NRAP: variants seen among roughly 807,000 people sequenced by gnomAD.
NRAP encodes nebulin related anchoring protein.
Under a neutral mutation model 225.9 loss-of-function variants are expected in NRAP, and 189 were observed. That is an observed-to-expected ratio of 0.84 (90% CI 0.74 to 0.94). NRAP has a LOEUF of 0.94. Among genes scored for constraint, NRAP ranks in the 40% least tolerant of loss-of-function variants. NRAP has a pLI of 0.00. For synonymous variants in NRAP, 769 were observed against 790.7 expected, an observed-to-expected ratio of 0.97 and a Z score of 0.46; for missense variants, 2,176 against 2,168.7, an observed-to-expected ratio of 1.00 and a Z score of -0.07.
chr10:113,615,179 G>C (rs1847579068), intron 27 of NRAP, among the ~76,000 whole-genome samples: 1 of 152,126 alleles, frequency 6.6e-6, no homozygotes, highest in South Asian at 2.1e-4. Flanking sequence ...GAGGCATAGA[G>C]GGGAGAGGAA....
In NRAP at chr10:113,623,525, T is replaced by C. The variant is rs1348318405; in HGVS notation, c.2457+4A>G. On this transcript the variant is annotated splice_donor_region_variant and intron_variant, in intron 23 of 41. Transcript: ENST00000359988. ...TCTCTTGTACAAGGTGGGGACAGAC[T>C]CACCTCGCTAGCCAGGTCCCTCTTG... is the stretch of plus-strand genomic sequence containing the variant. 5 of 1,598,748 alleles carry C rather than the reference T, an allele frequency of 3.1e-6. No individual in the cohort carries two copies. The highest frequency in any genetic ancestry group is 4.3e-6 in the Non-Finnish European group (5 of 1,166,532).
Position 113,623,642 on chromosome 10 carries a change from G to A in NRAP, c.2350-6C>T. 1 of 1,602,906 alleles carries A rather than the reference G, an allele frequency of 6.2e-7. No homozygotes were observed. Among genetic ancestry groups the A allele is most frequent in the East Asian group, 2.2e-5 (1 of 44,798 alleles). ...CAGCTGCTCTTATACAGTTTCTAAG[G>A]GGATTTAGGAGAGAAGGTGAGTGGG... On this transcript the variant is annotated splice_polypyrimidine_tract_variant and splice_region_variant and intron_variant, in intron 22 of 41. Transcript: ENST00000359988.
chr10:113,641,448 TC>T lies in NRAP; in HGVS notation c.1239del (p.Asn414ThrfsTer3). Reference sequence around the variant, plus strand: ...CCTTCATAGCGGCCTCTCATGTGGTTCTGGTAGTTTTCTTTATATTTATTCT... The same window carrying T: ...CCTTCATAGCGGCCTCTCATGTGGTTTGGTAGTTTTCTTTATATTTATTCT... ...TSDNKYKENY[Q>X]NHMRGRYEGV... On this transcript the variant is annotated frameshift_variant, in exon 13 of 42. Transcript: ENST00000359988. LOFTEE classifies it high-confidence loss of function. 1 of 1,613,196 alleles carries T rather than the reference TC, an allele frequency of 6.2e-7. No homozygotes were observed. Among genetic ancestry groups the T allele is most frequent in the Non-Finnish European group, 8.5e-7 (1 of 1,179,152 alleles).
intron 31 of NRAP, among the ~76,000 whole-genome samples, 190 bp from the exon 32 acceptor site, chr10:113,608,702 A>G (rs1263517517): frequency 6.6e-6 from 1 of 152,234 alleles, no homozygotes; most frequent in Non-Finnish European, 1.5e-5. Context: ...AGAGAGGAGG[A>G]TAGGATGGAC....
chr10:113,648,249 C>T (rs10885484), intron 9 of NRAP, among the ~76,000 whole-genome samples: 16,749 of 152,122 alleles, frequency 0.11, 1,057 homozygotes, highest in Non-Finnish European at 0.15. Context: ...CCAGGCTCCC[C>T]GTTATCCAAC....
At chr10:113,661,801 C>G (rs1303820403) in intron 3 of NRAP, among the ~76,000 whole-genome samples, 2 of 152,152 alleles carry the variant, frequency 1.3e-5, no homozygotes, top group Non-Finnish European at 2.9e-5. Context: ...CTTATCCCCA[C>G]CCCAAGGGGA....
chr10:113,656,939 T>C lies in NRAP; in HGVS notation c.360+531A>G, dbSNP rs77755267. On this transcript the variant is annotated intron_variant, in intron 4 of 41. Coordinates refer to ENST00000359988, the MANE Select transcript of NRAP (RefSeq NM_198060.4). Reference sequence around the variant, plus strand: ...AGAATAATGCAAATTCTTATGTGTATATTATGTGTGTAAATAAAATAAATG... The same window carrying C: ...AGAATAATGCAAATTCTTATGTGTACATTATGTGTGTAAATAAAATAAATG... 8.7e-3 allele frequency among the ~76,000 whole-genome samples: 1,318 copies of C among 152,270 alleles called. 26 individuals carry two copies. The highest frequency in any genetic ancestry group is 0.03 in the African/African-American group (1,256 of 41,562).
rs74945014 is a variant in NRAP at position 113,591,667 on chromosome 10, C to T, written c.4644+527G>A. Among the ~76,000 whole-genome samples, 188 of 152,340 alleles carry T rather than the reference C, an allele frequency of 1.2e-3. No individual in the cohort carries two copies. The East Asian group carries it at 0.016, about 13-fold the overall frequency. On this transcript the variant is annotated intron_variant, in intron 39 of 41. Coordinates refer to ENST00000359988, the MANE Select transcript of NRAP (RefSeq NM_198060.4). ...TCTCTTGCAGAATACCTGCTATGTT[C>T]CTGACACCATATACGATTTTGTTTT...
rs561707197 is a variant in NRAP at position 113,623,609 on chromosome 10, G to A, written c.2377C>T (p.Gln793Ter). 8 of 1,613,874 alleles carry A rather than the reference G, an allele frequency of 5.0e-6. No homozygotes were observed. The Admixed American group carries it at 1.2e-4, about 24-fold the overall frequency. Residue 793 changes from glutamine (Q) to a stop codon, truncating the protein, a stop_gained, in exon 23 of 42, where the codon CAG becomes TAG. Coordinates refer to ENST00000359988, the MANE Select transcript of NRAP (RefSeq NM_198060.4). LOFTEE classifies it high-confidence loss of function. ...EKLYKSSWEN[Q>*]KAKGFELRLD... is the part of the protein sequence containing the mutation. ...CGCAGCTCAAACCCTTTTGCTTTCT[G>A]GTTTTCCCAGCTGCTCTTATACAGT...
rs1848481474 is a variant in NRAP, at chr10:113,629,761, C to T, written c.1867G>A (p.Glu623Lys). The change falls in exon 19 of 42, where the codon GAG becomes AAG. Residue 623 changes from glutamate to lysine, a missense_variant. Around this residue, in one of 3 missense-constraint regions of NRAP, gnomAD observed 1,708 missense variants for 1,695.5 expected, o/e 1.01. Transcript: ENST00000359988. Reference sequence around the variant, plus strand: ...GGCAGGTGAAACCGGGTCTTACTCTCTTCAAAGCCTTTCTTATATTCAACC... The same window carrying T: ...GGCAGGTGAAACCGGGTCTTACTCTTTTCAAAGCCTTTCTTATATTCAACC... ...SEVEYKKGFE[E>K]SKTRFHLPMD... is the part of the protein sequence containing the mutation. 4 of 1,613,484 alleles carry T rather than the reference C, an allele frequency of 2.5e-6. No homozygotes were observed. The African/African-American group carries it at 4.0e-5, about 16-fold the overall frequency.
intron 29 of NRAP, 75 bp downstream of exon 29, chr10:113,614,108 T>C: frequency 1.1e-6 from 1 of 918,256 alleles, no homozygotes; most frequent in Non-Finnish European, 1.8e-6. Context: ...GAAGGACAAA[T>C]GAGGTTAGGT....
At chr10:113,628,832 G>A (rs944304832) in intron 20 of NRAP, 85 bp downstream of exon 20, 23 of 740,222 alleles carry the variant, frequency 3.1e-5, no homozygotes, top group Non-Finnish European at 5.3e-5. Flanking sequence ...TCTGAGGATA[G>A]AGAAAGGGAA....
chr10:113,600,204 CTT>C (rs1564700411), intron 35 of NRAP, among the ~76,000 whole-genome samples: 2 of 126,440 alleles, frequency 1.6e-5, no homozygotes, highest in African/African-American at 5.8e-5. Context: ...TGGGGTCTCT[CTT>C]GTTACCCAGG....
At chr10:113,634,680 A>G (rs1400878236) in intron 14 of NRAP, among the ~76,000 whole-genome samples, 1 of 152,222 alleles carries the variant, frequency 6.6e-6, no homozygotes, top group African/African-American at 2.4e-5. Flanking sequence ...CTGTGTCCCA[A>G]CAATTCTGTG....
Position 113,598,076 on chromosome 10 carries a change from G to A in NRAP, c.4228-3C>T, listed in dbSNP as rs1449110384. Reference sequence around the variant, plus strand: ...ATCAGGTCTGACTTGTAGCGCAACTGCAGGGAAAAAAATCATGGGCTTTAT... The same window carrying A: ...ATCAGGTCTGACTTGTAGCGCAACTACAGGGAAAAAAATCATGGGCTTTAT... On this transcript the variant is annotated splice_region_variant and splice_polypyrimidine_tract_variant and intron_variant, in intron 35 of 41. Coordinates refer to ENST00000359988, the MANE Select transcript of NRAP (RefSeq NM_198060.4). 1.9e-6 allele frequency: 3 copies of A among 1,603,078 alleles called. No homozygotes were observed. The highest frequency in any genetic ancestry group is 2.6e-6 in the Non-Finnish European group (3 of 1,170,528).
intron 14 of NRAP, among the ~76,000 whole-genome samples, chr10:113,635,573 G>A (rs1045312232): frequency 9.2e-5 from 14 of 152,138 alleles, no homozygotes; most frequent in South Asian, 2.1e-4. Flanking sequence ...AACTACAGGC[G>A]TGCACCACTA....
intron 4 of NRAP, among the ~76,000 whole-genome samples, chr10:113,657,122 C>G (rs1346531405): frequency 6.6e-6 from 1 of 151,938 alleles, no homozygotes; most frequent in African/African-American, 2.4e-5. Context: ...CCTTGGGAGG[C>G]CTCGTAAAGG....
chr10:113,645,499 C>T (rs536636390), intron 11 of NRAP, among the ~76,000 whole-genome samples: 2 of 152,178 alleles, frequency 1.3e-5, no homozygotes, highest in Non-Finnish European at 2.9e-5. Flanking sequence ...CTCACCGCGA[C>T]CTCCGCCTCC....
At chr10:113,662,854 ACAGTTAT>A in intron 2 of NRAP, 88 bp from the exon 3 acceptor site, 3 of 603,954 alleles carry the variant, frequency 5.0e-6, no homozygotes, top group Non-Finnish European at 5.6e-6. Flanking sequence ...TTAAATAATA[ACAGTTAT>A]TTTTAAAAAA....
Sources: gnomAD v4.1 joint callset for allele counts (sites outside exome capture counted in the v4.1 genomes callset) on GRCh38, gnomAD v4.1.1 for gene constraint, gnomAD v4.1.1 regional missense constraint, MANE v1.5 for transcripts, NCBI Gene and HGNC (gene_info 2026-07-23, HGNC 2026-07-21) for gene names.